The following MTR variants were observed in gnomAD, a reference collection of about 807,000 sequenced individuals.
The protein encoded by MTR is 5-methyltetrahydrofolate-homocysteine methyltransferase.
In MTR, 84 loss-of-function variants were observed where a neutral mutation model predicts 154.8. That is an observed-to-expected ratio of 0.54 (90% CI 0.45 to 0.65). The LOEUF is 0.65. Ranked by LOEUF, MTR falls within the 30% of genes least tolerant of loss-of-function variation. The pLI is 0.00. For synonymous variants in MTR, 554 were observed against 553.9 expected, an observed-to-expected ratio of 1.00 and a Z score of 0.00; for missense variants, 1,275 against 1,570.2, an observed-to-expected ratio of 0.81 and a Z score of 3.18.
chr1:236,891,045 G>A, intron 28 of MTR, 88 bp from the exon 29 acceptor site: 1 of 1,415,412 alleles, frequency 7.1e-7, no homozygotes, highest in East Asian at 2.3e-5. Flanking sequence ...GAAGGTGACT[G>A]AGGAGGGGTA....
Position 236,878,917 on chromosome 1 carries a change from A to G in MTR, c.2595-1838A>G, listed in dbSNP as rs57752043. ...AAGATGGCTCTTGACTCACTGGCTT[A>G]TGCCTGAATGCCCATCTTCCAGCTC... On this transcript the variant is annotated intron_variant, in intron 24 of 32. Transcript: ENST00000366577. Among the ~76,000 whole-genome samples the G allele has an allele frequency of 5.7e-3, 864 of 152,348 alleles. 11 individuals are homozygous for G. The highest frequency in any genetic ancestry group is 0.02 in the African/African-American group (812 of 41,590).
intron 22 of MTR, among the ~76,000 whole-genome samples, chr1:236,871,227 C>G (rs2103354777): frequency 6.6e-6 from 1 of 152,278 alleles, no homozygotes; most frequent in South Asian, 2.1e-4. Context: ...AAATGGAGTC[C>G]AAGCTTCAGG....
At chr1:236,834,536 A>G (rs145412596) in intron 13 of MTR, among the ~76,000 whole-genome samples, 1 of 152,156 alleles carries the variant, frequency 6.6e-6, no homozygotes, top group Non-Finnish European at 1.5e-5. Flanking sequence ...GGCTCACTAC[A>G]TGTGGTGTTT....
intron 21 of MTR, 151 bp downstream of exon 21, chr1:236,862,494 A>G: frequency 1.5e-6 from 1 of 682,966 alleles, no homozygotes; most frequent in South Asian, 1.6e-5. Context: ...TTTTTAACCG[A>G]GTATCAGAAT....
Position 236,795,647 on chromosome 1 carries a change from C to G in MTR, c.-57C>G. ...TGGCGTGGCCCTTGGCCGTCGTCACCTGTGGAGAGCACGTCTTCTCTGCCG... is the reference window on the plus strand; with the variant it reads ...TGGCGTGGCCCTTGGCCGTCGTCACGTGTGGAGAGCACGTCTTCTCTGCCG... On this transcript the variant is annotated 5_prime_UTR_variant, in exon 1 of 33. Transcript: ENST00000366577. 6.2e-7 allele frequency: 1 copy of G among 1,611,870 alleles called. No individual in the cohort carries two copies. The highest frequency in any genetic ancestry group is 2.2e-5 in the East Asian group (1 of 44,822).
Position 236,900,213 on chromosome 1 carries a change from C to T in MTR, c.*2569C>T, listed in dbSNP as rs1221315119. On this transcript the variant is annotated 3_prime_UTR_variant, in exon 33 of 33. Coordinates refer to ENST00000366577, the MANE Select transcript of MTR (RefSeq NM_000254.3). The stretch of plus-strand genomic sequence containing the variant: ...GAATAATTAGATATATATATTCATT[C>T]TACGGGATATTATTCAGTAGTGGAA... 1 of 366,586 alleles carries T rather than the reference C, an allele frequency of 2.7e-6. No individual in the cohort carries two copies. 22.7% of individuals were successfully genotyped at this position (366,586 alleles called of 1,614,324 possible).
intron 22 of MTR, among the ~76,000 whole-genome samples, chr1:236,868,157 C>T (rs1014224652): frequency 7.9e-5 from 12 of 152,288 alleles, no homozygotes; most frequent in African/African-American, 2.2e-4. Flanking sequence ...GAAATTGCCA[C>T]GGCCACCCCA....
At chr1:236,799,840 T>G (rs988318113) in intron 1 of MTR, among the ~76,000 whole-genome samples, 3 of 152,086 alleles carry the variant, frequency 2.0e-5, no homozygotes, top group Non-Finnish European at 4.4e-5. Context: ...CTTAAGAAGT[T>G]CCTTTTCATT....
chr1:236,867,792 G>C (rs1273081026), intron 22 of MTR, among the ~76,000 whole-genome samples: 1 of 152,202 alleles, frequency 6.6e-6, no homozygotes, highest in Non-Finnish European at 1.5e-5. Flanking sequence ...GGTAGAAATA[G>C]CAAGAGTAAA....
intron 14 of MTR, among the ~76,000 whole-genome samples, chr1:236,836,409 A>AG (rs1406964576): frequency 5.3e-5 from 8 of 152,032 alleles, no homozygotes; most frequent in Admixed American, 4.6e-4. Flanking sequence ...TTTAAAAAAA[A>AG]TTTTTAGTAG....
At chr1:236,812,395 C>T (rs771517600) in intron 5 of MTR, among the ~76,000 whole-genome samples, 1 of 152,178 alleles carries the variant, frequency 6.6e-6, no homozygotes, top group Non-Finnish European at 1.5e-5. Context: ...ATCTCTTAAC[C>T]GGTTGATTGA....
intron 1 of MTR, among the ~76,000 whole-genome samples, chr1:236,801,105 C>T (rs948592575): frequency 6.6e-6 from 1 of 152,180 alleles, no homozygotes; most frequent in Non-Finnish European, 1.5e-5. Context: ...GAAATGGCGC[C>T]CACTGCCTGA....
chr1:236,834,923 C>A (rs1048943060), intron 13 of MTR, among the ~76,000 whole-genome samples: 2 of 152,136 alleles, frequency 1.3e-5, no homozygotes, highest in African/African-American at 4.8e-5. Context: ...TTTGAAAAGC[C>A]TTCCAGTGTT....
At chr1:236,808,071 A>T (rs1661085476) in intron 3 of MTR, among the ~76,000 whole-genome samples, 1 of 152,190 alleles carries the variant, frequency 6.6e-6, no homozygotes, top group Non-Finnish European at 1.5e-5. Flanking sequence ...CTTGAAAATC[A>T]CAAGTCTAGT....
chr1:236,829,959 A>G (rs553137064), intron 12 of MTR, among the ~76,000 whole-genome samples: 3 of 152,346 alleles, frequency 2.0e-5, no homozygotes, highest in African/African-American at 7.2e-5. Flanking sequence ...AGAACCTGCA[A>G]ATAACACATA....
At chr1:236,817,635 A>T (rs1212897850) in intron 8 of MTR, among the ~76,000 whole-genome samples, 1 of 152,204 alleles carries the variant, frequency 6.6e-6, no homozygotes, top group African/African-American at 2.4e-5. Context: ...AAGGTGAAGT[A>T]AATAGAGGAT....
chr1:236,840,095 C>T (rs1572243367), intron 15 of MTR, among the ~76,000 whole-genome samples: 1 of 152,014 alleles, frequency 6.6e-6, no homozygotes, highest in Non-Finnish European at 1.5e-5. Context: ...CTTTTTCTTT[C>T]TGTCTTTGTT....
At chr1:236,829,455 G>A (rs923587695) in intron 12 of MTR, among the ~76,000 whole-genome samples, 187 bp downstream of exon 12, 2 of 152,152 alleles carry the variant, frequency 1.3e-5, no homozygotes, top group Admixed American at 6.5e-5. Flanking sequence ...GCAAGATGAC[G>A]TCAACTTTAG....
At chr1:236,805,321 TA>T (rs1288389620) in intron 2 of MTR, among the ~76,000 whole-genome samples, 1 of 151,472 alleles carries the variant, frequency 6.6e-6, no homozygotes, top group Non-Finnish European at 1.5e-5. Flanking sequence ...TCAGAGAGAC[TA>T]GGAGATGTAG....
Sources: gnomAD v4.1 joint callset for allele counts (sites outside exome capture counted in the v4.1 genomes callset) on GRCh38, gnomAD v4.1.1 for gene constraint, MANE v1.5 for transcripts, NCBI Gene and HGNC (gene_info 2026-07-23, HGNC 2026-07-21) for gene names.